TTC29: variants seen among roughly 807,000 people sequenced by gnomAD.
TTC29 encodes tetratricopeptide repeat domain 29, also known as tetratricopeptide repeat protein 29.
In TTC29, 49 loss-of-function variants were observed where a neutral mutation model predicts 58.1. That is an observed-to-expected ratio of 0.84 (90% CI 0.67 to 1.07). TTC29 has a LOEUF of 1.07. Among genes scored for constraint, TTC29 ranks in the 50% least tolerant of loss-of-function variants. The pLI is 0.00. For synonymous variants in TTC29, 209 were observed against 196.8 expected (o/e 1.06, Z -0.52); for missense variants, 582 against 555.6 (o/e 1.05, Z -0.48).
chr4:146,868,802 T>C (rs1730733998), intron 7 of TTC29, among the ~76,000 whole-genome samples: 1 of 152,120 alleles, frequency 6.6e-6, no homozygotes, highest in Non-Finnish European at 1.5e-5. Flanking sequence ...CCAAATCTCC[T>C]GGTAGAAATG....
intron 2 of TTC29, among the ~76,000 whole-genome samples, chr4:146,940,542 GA>G (rs1274842081): frequency 2.0e-5 from 3 of 152,190 alleles, no homozygotes; most frequent in Admixed American, 2.0e-4. Flanking sequence ...CATAGGCATG[GA>G]TTTTTTCTCC....
intron 8 of TTC29, among the ~76,000 whole-genome samples, 193 bp from the exon 9 acceptor site, chr4:146,834,090 C>A (rs1026425399): frequency 6.6e-6 from 1 of 152,094 alleles, no homozygotes; most frequent in East Asian, 1.9e-4. Context: ...TCTCTTTAAG[C>A]CATGACAGTG....
chr4:146,816,369 A>G (rs562079144), intron 10 of TTC29, among the ~76,000 whole-genome samples: 1 of 152,294 alleles, frequency 6.6e-6, no homozygotes, highest in East Asian at 1.9e-4. Context: ...AAAGTAAGCA[A>G]AAGCAAATAA....
At chr4:146,883,457 C>T (rs1731770531) in intron 6 of TTC29, among the ~76,000 whole-genome samples, 1 of 151,612 alleles carries the variant, frequency 6.6e-6, no homozygotes, top group Admixed American at 6.6e-5. Flanking sequence ...TAGGGAATAC[C>T]CCTGTTAAAG....
chr4:146,762,001 C>A (rs998455787), intron 11 of TTC29, among the ~76,000 whole-genome samples: 1 of 151,904 alleles, frequency 6.6e-6, no homozygotes, highest in South Asian at 2.1e-4. Context: ...AAATAAATGA[C>A]CTTGTGTTTT....
intron 7 of TTC29, among the ~76,000 whole-genome samples, chr4:146,868,343 G>A (rs1730702693): frequency 1.3e-5 from 2 of 151,946 alleles, no homozygotes; most frequent in Non-Finnish European, 1.5e-5. Flanking sequence ...TGCACATTGT[G>A]CACATGTACC....
At chr4:146,904,928 C>A (rs564725622) in intron 5 of TTC29, among the ~76,000 whole-genome samples, 4 of 152,158 alleles carry the variant, frequency 2.6e-5, no homozygotes, top group Non-Finnish European at 5.9e-5. Context: ...AAAACCGATT[C>A]TATTCCTTTA....
At chr4:146,779,846 T>C (rs998256140) in intron 11 of TTC29, among the ~76,000 whole-genome samples, 2 of 152,166 alleles carry the variant, frequency 1.3e-5, no homozygotes, top group African/African-American at 4.8e-5. Context: ...GGTTTTCATA[T>C]AGCTTGGACC....
At chr4:146,876,251 C>T (rs75151163) in intron 6 of TTC29, among the ~76,000 whole-genome samples, 10,751 of 152,214 alleles carry the variant, frequency 0.071, 484 homozygotes, top group Admixed American at 0.13. Context: ...TCAAGAAACA[C>T]GGCTAATGTT....
chr4:146,802,416 T>G (rs763062062), intron 11 of TTC29, among the ~76,000 whole-genome samples: 7 of 152,208 alleles, frequency 4.6e-5, no homozygotes, highest in Non-Finnish European at 1.0e-4. Context: ...AAGCTGCCAA[T>G]TTTTTGAAGA....
At chr4:146,786,505 C>T (rs1357026527) in intron 11 of TTC29, among the ~76,000 whole-genome samples, 16 of 152,156 alleles carry the variant, frequency 1.1e-4, no homozygotes, top group Non-Finnish European at 2.4e-4. Flanking sequence ...TCCAGATATT[C>T]TCCCCTGCTG....
chr4:146,737,602 G>GA lies in TTC29; in HGVS notation c.1331-30052_1331-30051insT, dbSNP rs923643198. Among the ~76,000 whole-genome samples the GA allele has an allele frequency of 5.1e-4, 71 of 139,012 alleles. 1 individual carries two copies. The highest frequency in any genetic ancestry group is 1.7e-3 in the African/African-American group (69 of 39,468). The allele number at this position is 139,012 out of a possible 152,430, so 91.2% of individuals were successfully genotyped here. A position where few individuals can be genotyped will look rare whatever the true frequency, so the allele number is the denominator to read the frequency against. Reference sequence around the variant, plus strand: ...ATGCTAGTAGCCCTGGGGGGGGGGGGGCTACAAACGGGTCTTGACAGGAAT... The same window carrying GA: ...ATGCTAGTAGCCCTGGGGGGGGGGGGAGCTACAAACGGGTCTTGACAGGAAT... On this transcript the variant is annotated intron_variant, in intron 11 of 12. Coordinates refer to ENST00000325106, the MANE Select transcript of TTC29 (RefSeq NM_031956.4).
At chr4:146,734,999 G>C (rs1320749400) in intron 11 of TTC29, among the ~76,000 whole-genome samples, 5 of 152,068 alleles carry the variant, frequency 3.3e-5, no homozygotes, top group Non-Finnish European at 7.4e-5. Flanking sequence ...CCAGGGAGTT[G>C]GTTCACTGGA....
intron 2 of TTC29, among the ~76,000 whole-genome samples, chr4:146,940,115 T>C (rs1736236816): frequency 6.6e-6 from 1 of 152,184 alleles, no homozygotes; most frequent in Admixed American, 6.5e-5. Flanking sequence ...TTGGCCAACT[T>C]ATTATTTGTC....
intron 11 of TTC29, among the ~76,000 whole-genome samples, chr4:146,714,039 T>C (rs531930177): frequency 1.3e-5 from 2 of 152,254 alleles, no homozygotes; most frequent in East Asian, 3.9e-4. Context: ...AGAAATCAGA[T>C]TGACTCTTTT....
intron 11 of TTC29, among the ~76,000 whole-genome samples, chr4:146,750,617 G>A (rs1745909662): frequency 6.6e-6 from 1 of 152,152 alleles, no homozygotes; most frequent in Admixed American, 6.5e-5. Context: ...TAAGTCTAGA[G>A]GTTTTGTATG....
intron 11 of TTC29, among the ~76,000 whole-genome samples, chr4:146,791,533 C>A (rs1009329152): frequency 3.3e-5 from 5 of 152,140 alleles, no homozygotes; most frequent in African/African-American, 9.7e-5. Flanking sequence ...GTCTCTCCCC[C>A]TCCTTGGGCC....
chr4:146,817,426 T>C (rs908647337), intron 10 of TTC29, among the ~76,000 whole-genome samples: 6 of 152,164 alleles, frequency 3.9e-5, no homozygotes, highest in Non-Finnish European at 7.4e-5. Context: ...CTCAATGAAA[T>C]AAAAGAGGAT....
At chr4:146,890,238 C>G (rs1411486482) in intron 6 of TTC29, among the ~76,000 whole-genome samples, 1 of 152,150 alleles carries the variant, frequency 6.6e-6, no homozygotes, top group Non-Finnish European at 1.5e-5. Context: ...TTCATAAGTA[C>G]TGGGGGTTAA....
Sources: gnomAD v4.1 joint callset for allele counts (sites outside exome capture counted in the v4.1 genomes callset) on GRCh38, gnomAD v4.1.1 for gene constraint, MANE v1.5 for transcripts, NCBI Gene and HGNC (gene_info 2026-07-23, HGNC 2026-07-21) for gene names.